MCPH1: variants seen among roughly 807,000 people sequenced by gnomAD.
MCPH1 encodes microcephalin.
MCPH1 carries 104 observed loss-of-function variants against 84.5 expected under a neutral mutation model. The ratio of observed to expected loss-of-function variants is 1.23; its 90% CI spans 1.05 to 1.45. MCPH1 has a LOEUF of 1.45. Among genes scored for constraint, MCPH1 ranks in the 40% most tolerant of loss-of-function variants. MCPH1 has a pLI of 0.00. For missense variants in MCPH1, 1,498 were observed against 1,005.7 expected (o/e 1.49, Z -6.62); for synonymous variants, 514 against 366.8 (o/e 1.40, Z -4.58).
intron 6 of MCPH1, 68 bp from the exon 7 acceptor site, chr8:6,441,999 C>T: frequency 9.3e-7 from 1 of 1,075,528 alleles, no homozygotes; most frequent in Non-Finnish European, 1.4e-6. Context: ...AGGAGGACTT[C>T]CTGCTGGCTT....
At chr8:6,488,887 G>C (rs1586070262) in intron 11 of MCPH1, among the ~76,000 whole-genome samples, 1 of 152,214 alleles carries the variant, frequency 6.6e-6, no homozygotes, top group East Asian at 1.9e-4. Context: ...TGTCTAGAGG[G>C]GGGGTTGATA....
At chr8:6,412,790 G>T (rs191397881) in intron 2 of MCPH1, among the ~76,000 whole-genome samples, 97 of 152,234 alleles carry the variant, frequency 6.4e-4, no homozygotes, top group African/African-American at 2.2e-3. Flanking sequence ...TGCCTTGATA[G>T]CTCCCATGGA....
chr8:6,424,742 G>T (rs1222824930), intron 3 of MCPH1, among the ~76,000 whole-genome samples: 1 of 152,250 alleles, frequency 6.6e-6, no homozygotes, highest in Non-Finnish European at 1.5e-5. Flanking sequence ...TAGCTCCTGA[G>T]TTAACTTCCT....
At chr8:6,436,575 TG>T (rs1473391937) in intron 5 of MCPH1, among the ~76,000 whole-genome samples, 3 of 152,076 alleles carry the variant, frequency 2.0e-5, no homozygotes, top group African/African-American at 7.2e-5. Context: ...TTTAGTGATT[TG>T]GGAAAATACT....
At chr8:6,519,538 C>A (rs1251590470) in intron 12 of MCPH1, among the ~76,000 whole-genome samples, 2 of 152,162 alleles carry the variant, frequency 1.3e-5, no homozygotes, top group African/African-American at 4.8e-5. Context: ...AAGATACTTT[C>A]TTTAAGGAAA....
chr8:6,529,221 A>T (rs953534039), intron 12 of MCPH1, among the ~76,000 whole-genome samples: 3 of 152,196 alleles, frequency 2.0e-5, no homozygotes, highest in Non-Finnish European at 2.9e-5. Context: ...TACCCAGGCC[A>T]GGTATTGATC....
At chr8:6,555,044 C>T (rs903106650) in intron 12 of MCPH1, among the ~76,000 whole-genome samples, 2 of 152,056 alleles carry the variant, frequency 1.3e-5, no homozygotes, top group African/African-American at 2.4e-5. Context: ...TTTTAAACCA[C>T]ACATAAAACA....
intron 5 of MCPH1, 88 bp downstream of exon 5, chr8:6,436,250 G>A (rs1164312306): frequency 7.5e-7 from 1 of 1,341,506 alleles, no homozygotes; most frequent in Non-Finnish European, 1.0e-6. Context: ...TTCAGCATGA[G>A]AGAGCTGATG....
chr8:6,523,895 T>TG lies in MCPH1; in HGVS notation c.2214+23966_2214+23967insG, dbSNP rs1185306902. Among the ~76,000 whole-genome samples, 281 of 151,638 alleles carry TG rather than the reference T, an allele frequency of 1.9e-3. 5 individuals carry two copies. The highest frequency in any genetic ancestry group is 6.6e-3 in the African/African-American group (272 of 41,316). On this transcript the variant is annotated intron_variant, in intron 12 of 13. Transcript: ENST00000344683. ...AGCCACCGTGCCTGGCTGGCATTTT[T>TG]TTTTTTTTTTAATAAGATACAAGAG... is the stretch of plus-strand genomic sequence containing the variant.
At chr8:6,474,247 A>C in intron 9 of MCPH1, 1 of 589,192 alleles carries the variant, frequency 1.7e-6, no homozygotes, top group Non-Finnish European at 3.1e-6. Context: ...GCTTTTCTCA[A>C]GCTAAATCAC....
At chr8:6,455,050 T>C in intron 8 of MCPH1, 93 bp from the exon 9 acceptor site, 2 of 929,844 alleles carry the variant, frequency 2.2e-6, no homozygotes, top group Non-Finnish European at 1.8e-6. Context: ...TAACTTCCTG[T>C]TTCCATTATG....
At chr8:6,503,145 A>G (rs1812536216) in intron 12 of MCPH1, 1 of 1,614,228 alleles carries the variant, frequency 6.2e-7, no homozygotes, top group Non-Finnish European at 8.5e-7. Context: ...GCCTTGAGCG[A>G]ATAGCCTGAG....
At chr8:6,616,390 G>A (rs767446093) in intron 12 of MCPH1, 4 of 152,224 alleles carry the variant, frequency 2.6e-5, no homozygotes, top group African/African-American at 9.6e-5. Flanking sequence ...CTTGAAGCTA[G>A]AAGCCATGGG....
chr8:6,541,687 A>G (rs1370525914), intron 12 of MCPH1, among the ~76,000 whole-genome samples: 1 of 152,160 alleles, frequency 6.6e-6, no homozygotes, highest in Non-Finnish European at 1.5e-5. Context: ...AGAAAATATA[A>G]AACTATTTTC....
In MCPH1 at chr8:6,417,748, T is replaced by A. The variant is rs546420951; in HGVS notation, c.233+2865T>A. ...TCTATTACCTCGATGAGTGTAGTTA[T>A]AAATAGTTGTCTTAATGACCTTGTC... is the stretch of plus-strand genomic sequence containing the variant. On this transcript the variant is annotated intron_variant, in intron 3 of 13. Coordinates refer to ENST00000344683, the MANE Select transcript of MCPH1 (RefSeq NM_024596.5). Among the ~76,000 whole-genome samples, 4 of 152,358 alleles carry A rather than the reference T, an allele frequency of 2.6e-5. No individual in the cohort carries two copies. In the East Asian group the frequency reaches 7.7e-4, roughly 29 times the overall value.
intron 12 of MCPH1, among the ~76,000 whole-genome samples, chr8:6,565,102 G>C (rs1029206626): frequency 6.6e-6 from 1 of 152,224 alleles, no homozygotes; most frequent in African/African-American, 2.4e-5. Context: ...GATGAGACCT[G>C]TGTTAGAACC....
intron 11 of MCPH1, among the ~76,000 whole-genome samples, chr8:6,486,676 T>C (rs1440200046): frequency 1.3e-5 from 2 of 152,230 alleles, no homozygotes; most frequent in African/African-American, 4.8e-5. Flanking sequence ...GAATAATTTA[T>C]GTTTTTCCTC....
At chr8:6,531,765 G>A (rs1819561399) in intron 12 of MCPH1, among the ~76,000 whole-genome samples, 1 of 149,810 alleles carries the variant, frequency 6.7e-6, no homozygotes, top group Non-Finnish European at 1.5e-5. Context: ...TGGCGGACCT[G>A]GAGCCATGGC....
At chr8:6,408,930 G>A (rs547448429) in intron 1 of MCPH1, among the ~76,000 whole-genome samples, 1 of 150,848 alleles carries the variant, frequency 6.6e-6, no homozygotes, top group South Asian at 2.1e-4. Flanking sequence ...CTGTCACCCA[G>A]GCTGGAGTGC....
Sources: allele counts gnomAD v4.1 joint callset (sites outside exome capture counted in the v4.1 genomes callset), GRCh38; gene constraint gnomAD v4.1.1; transcripts MANE v1.5; gene names NCBI Gene and HGNC (gene_info 2026-07-23, HGNC 2026-07-21).